INVS: variants seen among roughly 807,000 people sequenced by gnomAD.
INVS encodes the protein inversion of embryo turning homolog.
INVS carries 86 observed loss-of-function variants against 108.8 expected under a neutral mutation model. That is an observed-to-expected ratio of 0.79 (90% CI 0.66 to 0.95). INVS has a LOEUF of 0.95. Ranked by LOEUF, INVS falls within the 40% of genes least tolerant of loss-of-function variation. INVS has a pLI of 0.00. For missense variants in INVS, 1,169 were observed against 1,297.4 expected, an observed-to-expected ratio of 0.90 and a Z score of 1.52; for synonymous variants, 455 against 473.5, an observed-to-expected ratio of 0.96 and a Z score of 0.51.
chr9:100,117,410 A>C, intron 2 of INVS: 3 of 787,614 alleles, frequency 3.8e-6, no homozygotes, highest in Non-Finnish European at 6.8e-6. Context: ...CAGGGACTTG[A>C]TCTTCATGTC....
chr9:100,187,811 C>T (rs993032245), intron 3 of INVS, among the ~76,000 whole-genome samples: 2 of 152,176 alleles, frequency 1.3e-5, no homozygotes, highest in African/African-American at 4.8e-5. Flanking sequence ...TGAGCCACTG[C>T]ATCCAGCCTC....
intron 2 of INVS, among the ~76,000 whole-genome samples, chr9:100,123,737 T>C (rs1281059973): frequency 1.3e-5 from 2 of 152,208 alleles, no homozygotes; most frequent in Non-Finnish European, 2.9e-5. Context: ...TATATGAGGA[T>C]TTTGATTTCT....
At chr9:100,274,479 A>G (rs1833057947) in intron 12 of INVS, among the ~76,000 whole-genome samples, 1 of 152,260 alleles carries the variant, frequency 6.6e-6, no homozygotes, top group Admixed American at 6.5e-5. Context: ...TACAGATACC[A>G]AAAACTCTGA....
chr9:100,130,501 T>G (rs1333491007), intron 3 of INVS: 2 of 152,158 alleles, frequency 1.3e-5, no homozygotes, highest in Non-Finnish European at 1.5e-5. Context: ...ATATCTACTA[T>G]GTAATCATGA....
intron 14 of INVS, among the ~76,000 whole-genome samples, chr9:100,294,875 T>TAAA (rs1334082830): frequency 6.6e-6 from 1 of 152,202 alleles, no homozygotes; most frequent in African/African-American, 2.4e-5. Context: ...CCTGTGCATG[T>TAAA]AATCGTCACT....
At chr9:100,277,502 C>T (rs1322456335) in intron 12 of INVS, among the ~76,000 whole-genome samples, 3 of 152,176 alleles carry the variant, frequency 2.0e-5, no homozygotes, top group African/African-American at 7.2e-5. Context: ...TCAAGATGGG[C>T]TTCAGGGATC....
At position 100,292,467 on chromosome 9, in the gene INVS, A is replaced by G. The variant is rs1008214234; in HGVS notation, c.2210A>G (p.Lys737Arg). 1 of 1,614,154 alleles carries G rather than the reference A, an allele frequency of 6.2e-7. No individual in the cohort carries two copies. Among genetic ancestry groups the G allele is most frequent in the East Asian group, 2.2e-5 (1 of 44,876 alleles). ...GETAGDERCA[K>R]GKGFVKQPSC... ...ACAGCTGGCGATGAGCGGTGTGCAA[A>G]GGGGAAAGGCTTCGTGAAGCAGCCC... Residue 737 changes from lysine to arginine, a missense_variant, in exon 14 of 17, where the codon AAG becomes AGG. This residue lies in a region of INVS where 533 missense variants were observed against 536.0 expected (regional missense o/e 0.99). Coordinates refer to ENST00000262457, the MANE Select transcript of INVS (RefSeq NM_014425.5).
intron 16 of INVS, chr9:100,298,255 A>C: frequency 7.2e-7 from 1 of 1,385,208 alleles, no homozygotes; most frequent in East Asian, 2.9e-5. Context: ...ATTATTGATC[A>C]CTTTTACACA....
At chr9:100,246,832 A>C (rs889335985) in intron 8 of INVS, 45 bp downstream of exon 8, 1 of 1,532,378 alleles carries the variant, frequency 6.5e-7, no homozygotes, top group African/African-American at 1.4e-5. Flanking sequence ...TTTAGGTTCC[A>C]AAGTGTAGAT....
At chr9:100,279,526 A>T (rs1269579775) in intron 12 of INVS, among the ~76,000 whole-genome samples, 5 of 152,118 alleles carry the variant, frequency 3.3e-5, no homozygotes. Flanking sequence ...ATAATTCAAT[A>T]ACGCTCTTCC....
At chr9:100,198,264 A>ATTT (rs66710233) in intron 3 of INVS, among the ~76,000 whole-genome samples, 10 of 65,286 alleles carry the variant, frequency 1.5e-4, no homozygotes, top group Non-Finnish European at 2.5e-4. Context: ...GAGGGCTAGA[A>ATTT]TTTTTTTTTT....
At chr9:100,217,287 C>T (rs972044396) in intron 3 of INVS, among the ~76,000 whole-genome samples, 32 of 151,936 alleles carry the variant, frequency 2.1e-4, no homozygotes, top group African/African-American at 7.0e-4. Context: ...CCAGCCTGGG[C>T]GACAGAGTGA....
chr9:100,296,019 C>G (rs933229035), intron 14 of INVS, among the ~76,000 whole-genome samples: 1 of 152,072 alleles, frequency 6.6e-6, no homozygotes, highest in Non-Finnish European at 1.5e-5. Context: ...CTGAAATCAG[C>G]CTTTGGGGAA....
At chr9:100,108,230 C>T (rs1055519983) in intron 2 of INVS, among the ~76,000 whole-genome samples, 1 of 151,974 alleles carries the variant, frequency 6.6e-6, no homozygotes, top group African/African-American at 2.4e-5. Flanking sequence ...CTTGAAAATC[C>T]CCAAAGAGAA....
intron 2 of INVS, among the ~76,000 whole-genome samples, chr9:100,124,781 T>C (rs1827834290): frequency 6.6e-6 from 1 of 152,202 alleles, no homozygotes; most frequent in Non-Finnish European, 1.5e-5. Flanking sequence ...TAAATTAATA[T>C]TTTCCAAACT....
Position 100,301,139 on chromosome 9 carries a change from T to TCTCACACACACACACACACACACACACA in INVS, c.*466_*467insTCACACACACACACACACACACACACAC, listed in dbSNP as rs200314659. ...CCTGGCATCTAATGCAACAAACTTA[T>TCTCACACACACACACACACACACACACA]CACACACACACACACACACACACAC... On this transcript the variant is annotated 3_prime_UTR_variant, in exon 17 of 17. Coordinates refer to ENST00000262457, the MANE Select transcript of INVS (RefSeq NM_014425.5). 1.2e-5 allele frequency: 2 copies of TCTCACACACACACACACACACACACACA among 167,484 alleles called. No individual in the cohort carries two copies. The highest frequency in any genetic ancestry group is 3.6e-5 in the African/African-American group (1 of 27,638). 10.4% of individuals were successfully genotyped at this position (167,484 alleles called of 1,614,324 possible).
intron 3 of INVS, among the ~76,000 whole-genome samples, chr9:100,216,727 C>T (rs1464392779): frequency 6.6e-6 from 1 of 152,182 alleles, no homozygotes; most frequent in East Asian, 1.9e-4. Context: ...TTTCTTGGCC[C>T]TGCAGCCGCA....
At chr9:100,264,730 T>C in intron 10 of INVS, 92 bp from the exon 11 acceptor site, 1 of 869,850 alleles carries the variant, frequency 1.1e-6, no homozygotes, top group South Asian at 1.4e-5. Context: ...TTTGGAAAAA[T>C]GATTGCTTAT....
chr9:100,216,271 A>G (rs1422220149), intron 3 of INVS, among the ~76,000 whole-genome samples: 1 of 152,166 alleles, frequency 6.6e-6, no homozygotes, highest in African/African-American at 2.4e-5. Flanking sequence ...CTTTGGGAGT[A>G]TTGCCTAAGG....
Sources: gnomAD v4.1 joint callset for allele counts (sites outside exome capture counted in the v4.1 genomes callset) on GRCh38, gnomAD v4.1.1 for gene constraint, gnomAD v4.1.1 regional missense constraint, MANE v1.5 for transcripts, NCBI Gene and HGNC (gene_info 2026-07-23, HGNC 2026-07-21) for gene names.